The following CLPP variants were observed in gnomAD, a reference collection of about 807,000 sequenced individuals.
CLPP encodes the protein ATP-dependent Clp protease proteolytic subunit, mitochondrial.
In CLPP, 14 loss-of-function variants were observed where a neutral mutation model predicts 27.4. The ratio of observed to expected loss-of-function variants is 0.51; its 90% CI spans 0.34 to 0.80. The LOEUF is 0.80. CLPP is among the 30% of genes least tolerant of loss of function. The pLI is 0.02. For missense variants in CLPP, 361 were observed against 403.6 expected, an observed-to-expected ratio of 0.89 and a Z score of 0.90; for synonymous variants, 193 against 166.6, an observed-to-expected ratio of 1.16 and a Z score of -1.22.
chr19:6,368,920 C>A lies in CLPP; in HGVS notation c.*210C>A. On this transcript the variant is annotated 3_prime_UTR_variant, in exon 6 of 6. Coordinates refer to ENST00000245816, the MANE Select transcript of CLPP (RefSeq NM_006012.4). ...TGGTCTTTGCTCTGCGTCTGGGACACCCTCCCTTCTGCACCATGACAGCGT... is the reference window on the plus strand; with the variant it reads ...TGGTCTTTGCTCTGCGTCTGGGACAACCTCCCTTCTGCACCATGACAGCGT... 1.7e-6 allele frequency: 1 copy of A among 584,436 alleles called. No individual in the cohort carries two copies. The highest frequency in any genetic ancestry group is 3.0e-6 in the Non-Finnish European group (1 of 328,358). The allele number at this position is 584,436 out of a possible 1,614,324, so 36.2% of individuals were successfully genotyped here.
At position 6,368,967 on chromosome 19, in the gene CLPP, G is replaced by C. The variant is rs1599197996; in HGVS notation, c.*257G>C. 1 of 479,894 alleles carries C rather than the reference G, an allele frequency of 2.1e-6. No individual in the cohort carries two copies. The highest frequency in any genetic ancestry group is 3.8e-5 in the Admixed American group (1 of 26,224). 29.7% of individuals were successfully genotyped at this position (479,894 alleles called of 1,614,324 possible). On this transcript the variant is annotated 3_prime_UTR_variant, in exon 6 of 6. Transcript: ENST00000245816. Reference sequence around the variant, plus strand: ...GCGTGTACACATCTGTGTTTCACAGGCCCCTTCTGCTTTTGTCCTGACCCC... The same window carrying C: ...GCGTGTACACATCTGTGTTTCACAGCCCCCTTCTGCTTTTGTCCTGACCCC...
At chr19:6,367,310 G>C (rs1257711161) in intron 5 of CLPP, among the ~76,000 whole-genome samples, 1 of 151,066 alleles carries the variant, frequency 6.6e-6, no homozygotes, top group Non-Finnish European at 1.5e-5. Flanking sequence ...GAGAGGCGGA[G>C]GTTGTAGTGA....
chr19:6,364,537 C>T lies in CLPP; in HGVS notation c.453C>T (p.Ala151=), dbSNP rs761749885. 1.9e-5 allele frequency: 31 copies of T among 1,612,754 alleles called. No individual in the cohort carries two copies. In the East Asian group the frequency reaches 6.0e-4, roughly 31 times the overall value. ...TCTGCACCTGGTGCGTGGGCCAGGCCGCCAGCATGGGCTCCCTGCTTCTCG... is the reference window on the plus strand; with the variant it reads ...TCTGCACCTGGTGCGTGGGCCAGGCTGCCAGCATGGGCTCCCTGCTTCTCG... ...NPICTWCVGQ[A]ASMGSLLLAA... Residue 151 remains alanine, a synonymous_variant, in exon 4 of 6, where the codon GCC becomes GCT. Transcript: ENST00000245816.
intron 4 of CLPP, among the ~76,000 whole-genome samples, chr19:6,365,978 A>G (rs748917219): frequency 2.4e-4 from 37 of 152,106 alleles, no homozygotes; most frequent in Admixed American, 3.9e-4. Context: ...AAACAAACAA[A>G]AAAAAGGCTT....
rs398123033 is a variant in CLPP, at chr19:6,364,517, A to G, written c.433A>G (p.Thr145Ala). 1 of 1,612,694 alleles carries G rather than the reference A, an allele frequency of 6.2e-7. No homozygotes were observed. The highest frequency in any genetic ancestry group is 1.1e-5 in the South Asian group (1 of 91,000). ...TMQYILNPIC[T>A]WCVGQAASMG... ...GCAGTACATCCTCAACCCGATCTGCACCTGGTGCGTGGGCCAGGCCGCCAG... is the reference window on the plus strand; with the variant it reads ...GCAGTACATCCTCAACCCGATCTGCGCCTGGTGCGTGGGCCAGGCCGCCAG... The change falls in exon 4 of 6, where the codon ACC (threonine) becomes GCC (alanine). Residue 145 changes from threonine to alanine, a missense_variant. Physicochemically the swap from Thr to Ala is moderately conservative, Grantham distance 58 (BLOSUM62 0). Around this residue, in one of 2 missense-constraint regions of CLPP, gnomAD observed 213 missense variants for 280.9 expected, o/e 0.76. Transcript: ENST00000245816.
intron 2 of CLPP, 144 bp downstream of exon 2, chr19:6,362,084 C>A (rs1163912257): frequency 1.7e-5 from 13 of 750,654 alleles, no homozygotes; most frequent in Non-Finnish European, 2.2e-5. Context: ...GACTCCCCTC[C>A]TGGCTCCCGG....
intron 5 of CLPP, 31 bp downstream of exon 5, chr19:6,366,394 C>T (rs760187088): frequency 3.3e-5 from 50 of 1,519,972 alleles, no homozygotes; most frequent in Admixed American, 2.5e-4. Context: ...CATCCTGGTC[C>T]GTGCACAGAC....
At chr19:6,362,409 C>T (rs2091840229) in intron 2 of CLPP, 37 bp from the exon 3 acceptor site, 3 of 1,494,256 alleles carry the variant, frequency 2.0e-6, no homozygotes, top group Non-Finnish European at 2.8e-6. Context: ...TCTCCCCACC[C>T]CGAATCTGGG....
intron 5 of CLPP, 29 bp from the exon 6 acceptor site, chr19:6,368,509 A>G (rs760545986): frequency 4.3e-6 from 7 of 1,613,232 alleles, no homozygotes; most frequent in Non-Finnish European, 5.1e-6. Context: ...TCTTACCCTA[A>G]TGTGTCTCAC....
At chr19:6,368,379 C>G (rs993447285) in intron 5 of CLPP, among the ~76,000 whole-genome samples, 159 bp from the exon 6 acceptor site, 1 of 152,062 alleles carries the variant, frequency 6.6e-6, no homozygotes, top group Non-Finnish European at 1.5e-5. Flanking sequence ...AATGACTTCC[C>G]AAGGACCCCA....
Position 6,369,203 on chromosome 19 carries a change from A to G in CLPP, c.*493A>G, listed in dbSNP as rs1482135703. ...TTTGGGAGCCCGAGGCAGGCGGATCATGAGGTCAGGAGATCGAGAACATCC... is the reference window on the plus strand; with the variant it reads ...TTTGGGAGCCCGAGGCAGGCGGATCGTGAGGTCAGGAGATCGAGAACATCC... On this transcript the variant is annotated 3_prime_UTR_variant, in exon 6 of 6. Transcript: ENST00000245816. Among the ~76,000 whole-genome samples the G allele has an allele frequency of 1.3e-5, 2 of 152,146 alleles. No homozygotes were observed. Among genetic ancestry groups the G allele is most frequent in the African/African-American group, 4.8e-5 (2 of 41,426 alleles).
Position 6,364,549 on chromosome 19 carries a change from C to T in CLPP, c.465C>T (p.Gly155=). ...GCGTGGGCCAGGCCGCCAGCATGGG[C>T]TCCCTGCTTCTCGCCGCCGGCACCC... ...TWCVGQAASM[G]SLLLAAGTPG... is the part of the protein sequence containing the mutation. The change falls in exon 4 of 6, where the codon GGC becomes GGT. Residue 155 remains glycine, a synonymous_variant. Transcript: ENST00000245816. The T allele has an allele frequency of 6.2e-7, 1 of 1,613,130 alleles. No homozygotes were observed. Among genetic ancestry groups the T allele is most frequent in the South Asian group, 1.1e-5 (1 of 91,044 alleles).
Position 6,361,584 on chromosome 19 carries a change from G to C in CLPP, c.10G>C (p.Gly4Arg). The change falls in exon 1 of 6, where the codon GGA (glycine) becomes CGA (arginine). Residue 4 changes from glycine (G) to arginine (R), a missense_variant. Coordinates refer to ENST00000245816, the MANE Select transcript of CLPP (RefSeq NM_006012.4). The part of the protein sequence containing the change: MWP[G>R]ILVGGARVAS... The stretch of plus-strand genomic sequence containing the variant: ...CGGGGCGTGCGGAGGGATGTGGCCC[G>C]GAATATTGGTAGGGGGGGCCCGGGT... 1 of 1,408,582 alleles carries C rather than the reference G, an allele frequency of 7.1e-7. No individual in the cohort carries two copies. Among genetic ancestry groups the C allele is most frequent in the Non-Finnish European group, 9.3e-7 (1 of 1,078,648 alleles). 87.3% of individuals were successfully genotyped at this position (1,408,582 alleles called of 1,614,324 possible).
At position 6,369,426 on chromosome 19, in the gene CLPP, A is replaced by C. The variant is rs550781578; in HGVS notation, c.*716A>C. Among the ~76,000 whole-genome samples, 1 of 151,106 alleles carries C rather than the reference A, an allele frequency of 6.6e-6. No homozygotes were observed. Among genetic ancestry groups the C allele is most frequent in the East Asian group, 1.9e-4 (1 of 5,164 alleles). On this transcript the variant is annotated 3_prime_UTR_variant, in exon 6 of 6. Coordinates refer to ENST00000245816, the MANE Select transcript of CLPP (RefSeq NM_006012.4). The stretch of plus-strand genomic sequence containing the variant: ...CAAGGCTCTGTCTCAAAAAAAAAAA[A>C]AAACAAAAACAGGAAAGGTGGCATG...
In CLPP at chr19:6,369,151, G is replaced by A. The variant is rs774647513; in HGVS notation, c.*441G>A. Among the ~76,000 whole-genome samples the A allele has an allele frequency of 1.3e-5, 2 of 152,130 alleles. No homozygotes were observed. Among genetic ancestry groups the A allele is most frequent in the African/African-American group, 2.4e-5 (1 of 41,424 alleles). On this transcript the variant is annotated 3_prime_UTR_variant, in exon 6 of 6. Coordinates refer to ENST00000245816, the MANE Select transcript of CLPP (RefSeq NM_006012.4). ...AAAAAAAACAAAACAGGCCAGGCGC[G>A]CTGGCTCACGCCTGTAATCCCAGCA...
At chr19:6,368,416 TG>T in intron 5 of CLPP, 121 bp from the exon 6 acceptor site, 2 of 920,224 alleles carry the variant, frequency 2.2e-6, no homozygotes, top group Non-Finnish European at 1.7e-6. Context: ...CACTAGGGGA[TG>T]GGGCTTCAAC....
In CLPP at chr19:6,361,670, G is replaced by A; in HGVS notation, c.96G>A (p.Arg32=). 7.0e-7 allele frequency: 1 copy of A among 1,433,894 alleles called. No homozygotes were observed. The highest frequency in any genetic ancestry group is 9.1e-7 in the Non-Finnish European group (1 of 1,095,408). 88.8% of individuals were successfully genotyped at this position (1,433,894 alleles called of 1,614,324 possible). A position where few individuals can be genotyped will look rare whatever the true frequency, so the allele number is the denominator to read the frequency against. Residue 32 remains arginine, a synonymous_variant, in exon 1 of 6, where the codon CGG becomes CGA. Transcript: ENST00000245816. ...PRLAAHFPAQ[R]PPQRTLQNGL... is the part of the protein sequence containing the mutation. ...TCGCCGCTCACTTTCCAGCGCAGCG[G>A]CCGCCGCAGCGGACACTCCAGAACG... is the stretch of plus-strand genomic sequence containing the variant.
At chr19:6,363,140 T>TTTA (rs148381379) in intron 3 of CLPP, among the ~76,000 whole-genome samples, 195 of 150,670 alleles carry the variant, frequency 1.3e-3, no homozygotes, top group Non-Finnish European at 1.9e-3. Context: ...TTTTTTTTTT[T>TTTA]ATTGAGATGG....
At chr19:6,364,171 C>T (rs1410259429) in intron 3 of CLPP, among the ~76,000 whole-genome samples, 1 of 151,582 alleles carries the variant, frequency 6.6e-6, no homozygotes, top group Non-Finnish European at 1.5e-5. Flanking sequence ...GCTGGGACTA[C>T]AGGCACCCGC....
Sources: allele counts gnomAD v4.1 joint callset (sites outside exome capture counted in the v4.1 genomes callset), GRCh38; gene constraint gnomAD v4.1.1; regional missense constraint gnomAD v4.1.1; transcripts MANE v1.5; gene names NCBI Gene and HGNC (gene_info 2026-07-23, HGNC 2026-07-21).